KIF1B: variants seen among roughly 807,000 people sequenced by gnomAD.
KIF1B encodes kinesin family member 1B.
KIF1B carries 76 observed loss-of-function variants against 241.9 expected under a neutral mutation model. That is an observed-to-expected ratio of 0.31 (90% CI 0.26 to 0.38). The LOEUF (loss-of-function observed/expected upper bound fraction) is 0.38. Ranked by LOEUF, KIF1B falls within the 10% of genes least tolerant of loss-of-function variation. KIF1B has a pLI of 1.00. For missense variants in KIF1B, 1,622 were observed against 2,271.4 expected (o/e 0.71, Z 5.81); for synonymous variants, 750 against 796.7 (o/e 0.94, Z 0.99).
intron 7 of KIF1B, among the ~76,000 whole-genome samples, chr1:10,269,411 A>G (rs1431896534): frequency 6.6e-6 from 1 of 151,566 alleles, no homozygotes; most frequent in Non-Finnish European, 1.5e-5. Context: ...GCTGCTCAGG[A>G]GGCTGAGGCA....
intron 15 of KIF1B, among the ~76,000 whole-genome samples, chr1:10,288,237 T>A (rs893942309): frequency 6.6e-6 from 1 of 152,254 alleles, no homozygotes; most frequent in Non-Finnish European, 1.5e-5. Context: ...AGCTCACTTA[T>A]GCAGAAGCGT....
chr1:10,333,238 C>G (rs989271358), intron 27 of KIF1B, among the ~76,000 whole-genome samples: 1 of 143,748 alleles, frequency 7.0e-6, no homozygotes, highest in African/African-American at 2.6e-5. Context: ...CCAGCCTGAC[C>G]AACAGGGAGA....
intron 47 of KIF1B, 41 bp from the exon 48 acceptor site, chr1:10,375,214 C>G: frequency 1.3e-6 from 2 of 1,556,668 alleles, no homozygotes; most frequent in Non-Finnish European, 1.8e-6. Flanking sequence ...CCATTGCTGT[C>G]TCTGTAGTAA....
chr1:10,363,396 G>A, intron 41 of KIF1B, 52 bp downstream of exon 41: 1 of 1,468,148 alleles, frequency 6.8e-7, no homozygotes, highest in Non-Finnish European at 9.5e-7. Context: ...TATGTTTCAA[G>A]TATCCTGTAT....
At chr1:10,222,394 C>G (rs1009073811) in intron 1 of KIF1B, among the ~76,000 whole-genome samples, 1 of 151,984 alleles carries the variant, frequency 6.6e-6, no homozygotes, top group African/African-American at 2.4e-5. Context: ...TTGTGGAGGC[C>G]CTTGAACTTT....
chr1:10,356,903 T>TAAAG (rs1638266340), intron 38 of KIF1B, among the ~76,000 whole-genome samples: 1 of 53,226 alleles, frequency 1.9e-5, no homozygotes, highest in East Asian at 4.5e-4. Context: ...CGTCTCTAAA[T>TAAAG]AAATAAATAA....
chr1:10,212,089 ACTGCTCTGAGCAG>A (rs1277815968), intron 1 of KIF1B, among the ~76,000 whole-genome samples: 1 of 152,144 alleles, frequency 6.6e-6, no homozygotes, highest in Non-Finnish European at 1.5e-5. Context: ...CATATCTCTT[ACTGCTCTGAGCAG>A]CTGTTCTGCC....
chr1:10,279,092 T>C lies in KIF1B; in HGVS notation c.1181-5T>C, dbSNP rs773695724. 6.5e-7 allele frequency: 1 copy of C among 1,545,650 alleles called. No individual in the cohort carries two copies. Among genetic ancestry groups the C allele is most frequent in the Non-Finnish European group, 8.8e-7 (1 of 1,142,486 alleles). On this transcript the variant is annotated splice_polypyrimidine_tract_variant and splice_region_variant and intron_variant, in intron 13 of 48. Transcript: ENST00000676179. Reference sequence around the variant, plus strand: ...TCTCGTATTTTCCCTCCTGCTTACCTTCAGTTGATCCATTGATCGATGATT... The same window carrying C: ...TCTCGTATTTTCCCTCCTGCTTACCCTCAGTTGATCCATTGATCGATGATT...
intron 17 of KIF1B, chr1:10,292,370 A>G (rs1436183420): frequency 4.5e-6 from 2 of 447,182 alleles, no homozygotes; most frequent in Admixed American, 7.3e-5. Context: ...ACCTTTGGCC[A>G]TGATTCAGTT....
At chr1:10,215,200 G>A (rs1398521681) in intron 1 of KIF1B, among the ~76,000 whole-genome samples, 1 of 96,326 alleles carries the variant, frequency 1.0e-5, no homozygotes, top group African/African-American at 4.3e-5. Context: ...TTTTGAGACG[G>A]AGTTTCACTC....
At chr1:10,232,070 AC>A (rs1646990725) in intron 1 of KIF1B, among the ~76,000 whole-genome samples, 179 bp from the exon 2 acceptor site, 3 of 151,986 alleles carry the variant, frequency 2.0e-5, no homozygotes, top group African/African-American at 7.3e-5. Context: ...ACATAACAAG[AC>A]CCCATCTCTT....
chr1:10,216,693 TCTGGACCC>T (rs1195201822), intron 1 of KIF1B, among the ~76,000 whole-genome samples: 1 of 152,132 alleles, frequency 6.6e-6, no homozygotes, highest in Non-Finnish European at 1.5e-5. Flanking sequence ...TATTATAAAA[TCTGGACCC>T]CTTGACTCAA....
At chr1:10,266,149 C>A (rs1468668050) in intron 5 of KIF1B, among the ~76,000 whole-genome samples, 3 of 152,182 alleles carry the variant, frequency 2.0e-5, no homozygotes, top group African/African-American at 7.2e-5. Flanking sequence ...ACTATCCTTA[C>A]AAGTTAAGAC....
chr1:10,336,310 G>A (rs532411005), intron 28 of KIF1B, among the ~76,000 whole-genome samples: 40 of 152,116 alleles, frequency 2.6e-4, no homozygotes, highest in South Asian at 2.5e-3. Context: ...CACCACGCCC[G>A]GCTAATTTTT....
intron 34 of KIF1B, among the ~76,000 whole-genome samples, chr1:10,344,210 A>G (rs899710945): frequency 4.6e-5 from 7 of 152,240 alleles, no homozygotes; most frequent in Non-Finnish European, 1.0e-4. Flanking sequence ...GCCACCTTCC[A>G]GGATGAGGCT....
At chr1:10,261,694 A>G (rs1020793838) in intron 4 of KIF1B, among the ~76,000 whole-genome samples, 20 of 152,234 alleles carry the variant, frequency 1.3e-4, no homozygotes, top group African/African-American at 4.3e-4. Context: ...GGGGATCACT[A>G]TCATATATGC....
chr1:10,323,007 C>CACT (rs889462335), intron 24 of KIF1B, among the ~76,000 whole-genome samples: 4 of 152,224 alleles, frequency 2.6e-5, no homozygotes, highest in African/African-American at 9.6e-5. Context: ...AATTATGGCT[C>CACT]ACTACTGCCT....
chr1:10,232,489 C>G (rs1261952215), intron 2 of KIF1B, 55 bp downstream of exon 2: 1 of 1,291,674 alleles, frequency 7.7e-7, no homozygotes, highest in African/African-American at 1.4e-5. Context: ...TTCTTCTTTC[C>G]CTGTCGTCTT....
chr1:10,375,874 G>A (rs1638873658), intron 48 of KIF1B, among the ~76,000 whole-genome samples: 3 of 125,314 alleles, frequency 2.4e-5, no homozygotes, highest in Non-Finnish European at 3.2e-5. Flanking sequence ...TCGGCTCACC[G>A]CAACCTCCAC....
Sources: allele counts gnomAD v4.1 joint callset (sites outside exome capture counted in the v4.1 genomes callset), GRCh38; gene constraint gnomAD v4.1.1; transcripts MANE v1.5; gene names NCBI Gene and HGNC (gene_info 2026-07-23, HGNC 2026-07-21).